ST3GAL3: variants seen among roughly 807,000 people sequenced by gnomAD.
ST3GAL3 encodes the protein CMP-N-acetylneuraminate-beta-1,4-galactoside alpha-2,3-sialyltransferase.
A neutral mutation model predicts 50.1 loss-of-function variants in ST3GAL3; 21 were observed. The observed-to-expected ratio is 0.42, with a 90% CI of 0.30 to 0.60. The LOEUF is 0.60. Among genes scored for constraint, ST3GAL3 ranks in the 20% least tolerant of loss-of-function variants. The pLI is 0.19. For synonymous variants in ST3GAL3, 183 were observed against 190.0 expected, an observed-to-expected ratio of 0.96 and a Z score of 0.30; for missense variants, 353 against 489.4, an observed-to-expected ratio of 0.72 and a Z score of 2.63.
At chr1:43,723,070 G>A (rs545066919) in intron 1 of ST3GAL3, among the ~76,000 whole-genome samples, 5 of 151,732 alleles carry the variant, frequency 3.3e-5, no homozygotes, top group South Asian at 4.2e-4. Flanking sequence ...CTCAGAGCTG[G>A]TTATTTAAGA....
At chr1:43,864,453 C>A (rs1570096015) in intron 5 of ST3GAL3, among the ~76,000 whole-genome samples, 2 of 152,016 alleles carry the variant, frequency 1.3e-5, no homozygotes, top group East Asian at 3.9e-4. Flanking sequence ...TAGAAACTGG[C>A]CAGGTAGAGA....
intron 1 of ST3GAL3, among the ~76,000 whole-genome samples, chr1:43,729,037 A>G (rs1325263261): frequency 2.0e-5 from 3 of 151,154 alleles, no homozygotes; most frequent in African/African-American, 7.3e-5. Context: ...CTACAGGCAC[A>G]TGCCACCAGG....
At chr1:43,900,108 G>C (rs915896410) in intron 9 of ST3GAL3, among the ~76,000 whole-genome samples, 21 of 151,942 alleles carry the variant, frequency 1.4e-4, no homozygotes, top group African/African-American at 4.4e-4. Context: ...CTACTTTCCT[G>C]CCCTGACCTT....
chr1:43,901,190 G>A (rs533124248), intron 9 of ST3GAL3, among the ~76,000 whole-genome samples: 1 of 152,330 alleles, frequency 6.6e-6, no homozygotes, highest in South Asian at 2.1e-4. Context: ...TGAGCCTAAG[G>A]GCTGCTGTCT....
At chr1:43,859,289 C>T (rs561417642) in intron 5 of ST3GAL3, among the ~76,000 whole-genome samples, 4 of 152,208 alleles carry the variant, frequency 2.6e-5, no homozygotes, top group Admixed American at 6.5e-5. Context: ...GCTTAGTATG[C>T]GGAAGTTTCC....
chr1:43,714,363 G>A (rs1003818275), intron 1 of ST3GAL3, among the ~76,000 whole-genome samples: 1 of 149,720 alleles, frequency 6.7e-6, no homozygotes, highest in Non-Finnish European at 1.5e-5. Flanking sequence ...CGAGGTGGGC[G>A]GATTGCCTGA....
chr1:43,758,173 C>CA lies in ST3GAL3; in HGVS notation c.118+21801dup, dbSNP rs58382476. Among the ~76,000 whole-genome samples the CA allele has an allele frequency of 6.7e-3, 942 of 139,998 alleles. 17 individuals are homozygous for CA. Among genetic ancestry groups the CA allele is most frequent in the African/African-American group, 0.023 (882 of 38,762 alleles). 91.8% of individuals were successfully genotyped at this position (139,998 alleles called of 152,430 possible). A position where few individuals can be genotyped will look rare whatever the true frequency, so the allele number is the denominator to read the frequency against. ...ATTGGCTGCATACCACCCCCCCCCC[C>CA]AAAAAAAAGGCAGTATCATCCAATC... On this transcript the variant is annotated intron_variant, in intron 2 of 11. Coordinates refer to ENST00000347631, the MANE Select transcript of ST3GAL3 (RefSeq NM_006279.5).
intron 4 of ST3GAL3, among the ~76,000 whole-genome samples, chr1:43,821,693 G>T (rs907960784): frequency 6.6e-6 from 1 of 152,136 alleles, no homozygotes; most frequent in African/African-American, 2.4e-5. Context: ...TCTTCCCCAG[G>T]GGTTGGGCAC....
intron 4 of ST3GAL3, among the ~76,000 whole-genome samples, chr1:43,817,785 TCTC>T (rs1350862446): frequency 9.9e-6 from 1 of 101,268 alleles, no homozygotes; most frequent in Non-Finnish European, 1.8e-5. Context: ...TCCTCCTTCT[TCTC>T]CTCCTCCTTC....
At chr1:43,923,640 G>C (rs1053298807) in intron 11 of ST3GAL3, among the ~76,000 whole-genome samples, 2 of 152,100 alleles carry the variant, frequency 1.3e-5, no homozygotes, top group African/African-American at 4.8e-5. Flanking sequence ...TTTTGAGATA[G>C]GGTTTCACTC....
At chr1:43,918,747 T>A (rs572167517) in intron 9 of ST3GAL3, among the ~76,000 whole-genome samples, 69 of 152,242 alleles carry the variant, frequency 4.5e-4, no homozygotes, top group Admixed American at 2.7e-3. Flanking sequence ...CTACTGAGAT[T>A]TTTTTCTTAG....
chr1:43,732,460 C>A (rs1676369610), intron 1 of ST3GAL3, among the ~76,000 whole-genome samples: 1 of 152,196 alleles, frequency 6.6e-6, no homozygotes, highest in Non-Finnish European at 1.5e-5. Flanking sequence ...CCAGTGACAC[C>A]CTTCTCTTCT....
Position 43,829,995 on chromosome 1 carries a change from CTTTTTTTTTTTTTTTTTTT to C in ST3GAL3, c.210-8212_210-8194del, listed in dbSNP as rs71579312. Among the ~76,000 whole-genome samples, 510 of 70,146 alleles carry C rather than the reference CTTTTTTTTTTTTTTTTTTT, an allele frequency of 7.3e-3. 3 individuals are homozygous for C. The highest frequency in any genetic ancestry group is 0.01 in the Non-Finnish European group (402 of 38,308). The allele number at this position is 70,146 out of a possible 152,430, so 46.0% of individuals were successfully genotyped here. On this transcript the variant is annotated intron_variant, in intron 4 of 11. Transcript: ENST00000347631. ...CAACCCACTGCAAGCATAAAAATTCCTTTTTTTTTTTTTTTTTTTTTTTTTTTTTTGAGACAGGGTCTTG... is the reference window on the plus strand; with the variant it reads ...CAACCCACTGCAAGCATAAAAATTCCTTTTTTTTTTTGAGACAGGGTCTTG...
Position 43,921,855 on chromosome 1 carries a change from C to CTCACACCTGACCCAGCTCCCA in ST3GAL3, c.1038+931_1038+951dup, listed in dbSNP as rs2083081784. On this transcript the variant is annotated intron_variant, in intron 11 of 11. Transcript: ENST00000347631. ...CTTCACCCCTTGCAGCCTGGCTCCC[C>CTCACACCTGACCCAGCTCCCA]TCACACCTGACCCAGCTCCCATCAA... is the stretch of plus-strand genomic sequence containing the variant. The CTCACACCTGACCCAGCTCCCA allele has an allele frequency of 1.3e-5, 5 of 398,312 alleles. No individual in the cohort carries two copies. The East Asian group carries it at 1.8e-4, about 14-fold the overall frequency. The allele number at this position is 398,312 out of a possible 1,614,324, so 24.7% of individuals were successfully genotyped here. A position where few individuals can be genotyped will look rare whatever the true frequency, so the allele number is the denominator to read the frequency against.
At chr1:43,826,741 T>C (rs1356702106) in intron 4 of ST3GAL3, among the ~76,000 whole-genome samples, 7 of 152,228 alleles carry the variant, frequency 4.6e-5, no homozygotes. Flanking sequence ...AAGAATTACA[T>C]GTTGCTGCCA....
chr1:43,709,099 C>G, intron 1 of ST3GAL3, among the ~76,000 whole-genome samples: 1 of 152,172 alleles, frequency 6.6e-6, no homozygotes, highest in East Asian at 1.9e-4. Flanking sequence ...TGAATTGGGT[C>G]ATGAAGAGTG....
At chr1:43,922,636 C>T (rs2083238830) in intron 11 of ST3GAL3, 2 of 149,850 alleles carry the variant, frequency 1.3e-5, no homozygotes, top group Admixed American at 1.3e-4. Flanking sequence ...CCTGTCTGTA[C>T]TAAAAATACA....
chr1:43,894,355 G>T (rs768820451), intron 5 of ST3GAL3, 28 bp from the exon 6 acceptor site: 3 of 1,609,396 alleles, frequency 1.9e-6, no homozygotes, highest in Non-Finnish European at 2.6e-6. Context: ...GCGTTTTTGT[G>T]ATCCTCAGCA....
intron 5 of ST3GAL3, among the ~76,000 whole-genome samples, chr1:43,889,260 A>G (rs1487662145): frequency 1.3e-5 from 2 of 151,790 alleles, no homozygotes; most frequent in African/African-American, 4.8e-5. Flanking sequence ...TATATCAAGA[A>G]AAAAGGATAC....
Sources: allele counts gnomAD v4.1 joint callset (sites outside exome capture counted in the v4.1 genomes callset), GRCh38; gene constraint gnomAD v4.1.1; transcripts MANE v1.5; gene names NCBI Gene and HGNC (gene_info 2026-07-23, HGNC 2026-07-21).